Variants in DGKD observed in about 807,000 individuals in gnomAD.
DGKD encodes diacylglycerol kinase delta, also known as DAG kinase delta.
Under a neutral mutation model 154.4 loss-of-function variants are expected in DGKD, and 68 were observed. The observed-to-expected ratio is 0.44, with a 90% CI of 0.36 to 0.54. The LOEUF (loss-of-function observed/expected upper bound fraction) is 0.54. Ranked by LOEUF, DGKD falls within the 20% of genes least tolerant of loss-of-function variation. The pLI is 0.00. For synonymous variants in DGKD, 693 were observed against 638.0 expected (o/e 1.09, Z -1.30); for missense variants, 1,343 against 1,593.6 (o/e 0.84, Z 2.68).
At chr2:233,387,481 C>G (rs1156671937) in intron 1 of DGKD, among the ~76,000 whole-genome samples, 1 of 152,074 alleles carries the variant, frequency 6.6e-6, no homozygotes, top group Non-Finnish European at 1.5e-5. Context: ...ATCTCATGAC[C>G]AAGTAGTTAG....
Position 233,459,123 on chromosome 2 carries a change from A to G in DGKD, c.2695-634A>G, listed in dbSNP as rs1028228688. On this transcript the variant is annotated intron_variant, in intron 22 of 29. Transcript: ENST00000264057. The surrounding 1 kb of genome is among the most constrained non-coding windows in gnomAD (Gnocchi z 5.7). ...GTGGTGAAGGGCTGGGGGTGCCCCC[A>G]TGGCTTATTTCTGACAGCAGCGATG... Among the ~76,000 whole-genome samples, 1 of 152,070 alleles carries G rather than the reference A, an allele frequency of 6.6e-6. No individual in the cohort carries two copies. The highest frequency in any genetic ancestry group is 2.4e-5 in the African/African-American group (1 of 41,398).
At position 233,354,537 on chromosome 2, in the gene DGKD, GC is replaced by G; in HGVS notation, c.23del (p.Pro8LeufsTer53). Reference sequence around the variant, plus strand: ...CGGCAGCATGGCGGCGGCGGCGGGCGCCCCTCCGCCGGGTCCCCCGCAACCG... The same window carrying G: ...CGGCAGCATGGCGGCGGCGGCGGGCGCCCTCCGCCGGGTCCCCCGCAACCG... MAAAAG[A>X]PPPGPPQPPP... On this transcript the variant is annotated frameshift_variant, in exon 1 of 30. Transcript: ENST00000264057. LOFTEE classifies it high-confidence loss of function. This position sits in a 1 kb window ranked among gnomAD's most constrained non-coding sequence, Gnocchi z 4.8. 1 of 993,256 alleles carries G rather than the reference GC, an allele frequency of 1.0e-6. No individual in the cohort carries two copies. Among genetic ancestry groups the G allele is most frequent in the Non-Finnish European group, 1.2e-6 (1 of 837,156 alleles). The allele number at this position is 993,256 out of a possible 1,614,324, so 61.5% of individuals were successfully genotyped here.
chr2:233,377,637 C>G (rs1702649353), intron 1 of DGKD, among the ~76,000 whole-genome samples: 3 of 151,986 alleles, frequency 2.0e-5, no homozygotes, highest in Admixed American at 2.0e-4. Context: ...GCCAAAGTGT[C>G]TTTTGGGATA....
chr2:233,368,845 A>G (rs916640180), intron 1 of DGKD, among the ~76,000 whole-genome samples: 2 of 152,156 alleles, frequency 1.3e-5, no homozygotes, highest in Non-Finnish European at 2.9e-5. Context: ...CTTGCTTGCT[A>G]TGTTGCGATC....
intron 1 of DGKD, among the ~76,000 whole-genome samples, chr2:233,369,739 T>C (rs1232307453): frequency 6.6e-6 from 1 of 152,198 alleles, no homozygotes; most frequent in East Asian, 1.9e-4. Context: ...GTGTCTCTGC[T>C]GCTCTGGGCG....
Position 233,434,417 on chromosome 2 carries a change from A to G in DGKD, c.386A>G (p.Asp129Gly). The G allele has an allele frequency of 3.7e-6, 6 of 1,614,196 alleles. No homozygotes were observed. The highest frequency in any genetic ancestry group is 5.1e-6 in the Non-Finnish European group (6 of 1,180,024). Residue 129 changes from aspartate to glycine, a missense_variant, in exon 4 of 30, where the codon GAT becomes GGT. Around this residue, in one of 6 missense-constraint regions of DGKD, gnomAD observed 332 missense variants for 400.1 expected, o/e 0.83. Transcript: ENST00000264057. The part of the protein sequence containing the change: ...TPCRKLILCA[D>G]NRKEMEDWIA... ...TGCAGGAAGCTCATCTTGTGTGCTG[A>G]TAACAGAAAAGAAATGGAAGATTGG... is the stretch of plus-strand genomic sequence containing the variant.
At chr2:233,434,938 G>A in intron 5 of DGKD, 37 bp downstream of exon 5, 3 of 1,587,524 alleles carry the variant, frequency 1.9e-6, no homozygotes, top group Non-Finnish European at 2.6e-6. Context: ...CAGGAAAGGT[G>A]GCCTGGCATT....
rs777245748 is a variant in DGKD, at chr2:233,450,104, G to T, written c.2011G>T (p.Val671Phe). Residue 671 changes from valine to phenylalanine, a missense_variant, in exon 16 of 30, where the codon GTC (valine) becomes TTC (phenylalanine). By Grantham distance (50) the Val-to-Phe change is conservative. Transcript: ENST00000264057. The part of the protein sequence containing the change: ...PPLSHSESFG[V>F]PKGRSQRKVS... ...ACTGTCCCACAGCGAGAGCTTCGGG[G>T]TCCCCAAGGGGAGGAGCCAGCGCAA... The T allele has an allele frequency of 1.2e-6, 2 of 1,613,036 alleles. No individual in the cohort carries two copies. The highest frequency in any genetic ancestry group is 1.7e-6 in the Non-Finnish European group (2 of 1,179,522).
Position 233,450,907 on chromosome 2 carries a change from G to C in DGKD, c.2039-15G>C, listed in dbSNP as rs1196396690. 2 of 1,592,126 alleles carry C rather than the reference G, an allele frequency of 1.3e-6. No individual in the cohort carries two copies. The highest frequency in any genetic ancestry group is 1.3e-5 in the African/African-American group (1 of 74,550). ...ATTCCACACAGCTGTAAGGTTTTCT[G>C]CTGTGTTGTTACAGTGTCGAAATCT... On this transcript the variant is annotated splice_polypyrimidine_tract_variant and intron_variant, in intron 16 of 29. Coordinates refer to ENST00000264057, the MANE Select transcript of DGKD (RefSeq NM_152879.3).
chr2:233,429,341 A>T (rs2062428591), intron 3 of DGKD: 1 of 984,202 alleles, frequency 1.0e-6, no homozygotes, highest in Non-Finnish European at 1.2e-6. Context: ...CTATGCTGAC[A>T]AAAGTGTTCA....
intron 3 of DGKD, chr2:233,419,295 G>C: frequency 1.0e-6 from 1 of 985,554 alleles, no homozygotes; most frequent in Non-Finnish European, 1.2e-6. Flanking sequence ...CAGCGTTCCT[G>C]CTCTACTTCG....
chr2:233,384,840 A>G (rs1057489070), intron 1 of DGKD, among the ~76,000 whole-genome samples: 10 of 152,076 alleles, frequency 6.6e-5, no homozygotes, highest in Admixed American at 6.6e-4. Flanking sequence ...CTGTAGCCCC[A>G]GGGAGCAGCT....
chr2:233,457,226 C>A lies in DGKD; in HGVS notation c.2478C>A (p.Asp826Glu), dbSNP rs199872485. Residue 826 changes from aspartate to glutamate, a missense_variant, in exon 21 of 30, where the codon GAC (aspartate) becomes GAA (glutamate). Physicochemically the swap from Asp to Glu is conservative, Grantham distance 45 (BLOSUM62 2). This residue lies in a region of DGKD where 60 missense variants were observed against 112.4 expected (regional missense o/e 0.53). Transcript: ENST00000264057. The surrounding 1 kb of genome is among the most constrained non-coding windows in gnomAD (Gnocchi z 5.5). ...TCTGTGTCTCTGCTGCTCAGTGTGA[C>A]GGGCGACCCATCCCACTCCCCAGTC... ...NLEQKVLLEC[D>E]GRPIPLPSLQ... is the part of the protein sequence containing the mutation. 1 of 1,517,564 alleles carries A rather than the reference C, an allele frequency of 6.6e-7. No homozygotes were observed. Among genetic ancestry groups the A allele is most frequent in the Non-Finnish European group, 8.8e-7 (1 of 1,133,102 alleles). 94.0% of individuals were successfully genotyped at this position (1,517,564 alleles called of 1,614,324 possible).
In DGKD at chr2:233,462,852, A is replaced by G. The variant is rs118177413; in HGVS notation, c.3186+117A>G. 7.8e-5 allele frequency: 72 copies of G among 918,234 alleles called. No homozygotes were observed. The East Asian group carries it at 1.7e-3, about 22-fold the overall frequency. 56.9% of individuals were successfully genotyped at this position (918,234 alleles called of 1,614,324 possible). A position where few individuals can be genotyped will look rare whatever the true frequency, so the allele number is the denominator to read the frequency against. The stretch of plus-strand genomic sequence containing the variant: ...AGTCCAGAGTTCCCGGTCTTAAGGA[A>G]TGGGCCGCAGAGGTCATTTGGTTTG... On this transcript the variant is annotated intron_variant, in intron 26 of 29. Coordinates refer to ENST00000264057, the MANE Select transcript of DGKD (RefSeq NM_152879.3).
chr2:233,455,772 C>T (rs781211450), intron 19 of DGKD, among the ~76,000 whole-genome samples: 8 of 152,218 alleles, frequency 5.3e-5, no homozygotes, highest in Non-Finnish European at 8.8e-5. Flanking sequence ...CATGCTGACA[C>T]CTGAGGGTCC....
At chr2:233,369,648 G>A (rs1290805302) in intron 1 of DGKD, among the ~76,000 whole-genome samples, 1 of 152,172 alleles carries the variant, frequency 6.6e-6, no homozygotes, top group Non-Finnish European at 1.5e-5. Context: ...CCAGGCTGCG[G>A]GTTTGAATTG....
At chr2:233,468,652 C>G (rs990862952) in intron 29 of DGKD, 99 bp downstream of exon 29, 1 of 1,549,404 alleles carries the variant, frequency 6.5e-7, no homozygotes, top group East Asian at 2.3e-5. Context: ...CCCAGCATCA[C>G]GATTCTTCTC....
intron 3 of DGKD, among the ~76,000 whole-genome samples, chr2:233,417,603 G>A (rs150547842): frequency 5.6e-4 from 85 of 152,172 alleles, no homozygotes; most frequent in African/African-American, 1.9e-3. Flanking sequence ...CTGATGCTAA[G>A]ATTCTTTTTA....
intron 27 of DGKD, among the ~76,000 whole-genome samples, chr2:233,464,555 A>T (rs1326472087): frequency 6.6e-6 from 1 of 152,216 alleles, no homozygotes; most frequent in East Asian, 1.9e-4. Flanking sequence ...CTTCCTGGAC[A>T]GTGGGTAGAA....
Sources: allele counts gnomAD v4.1 joint callset (sites outside exome capture counted in the v4.1 genomes callset), GRCh38; gene constraint gnomAD v4.1.1; regional missense constraint gnomAD v4.1.1; non-coding constraint Gnocchi (gnomAD v3.1); transcripts MANE v1.5; gene names NCBI Gene and HGNC (gene_info 2026-07-23, HGNC 2026-07-21).